The following SDK1 variants were observed in gnomAD, a reference collection of about 807,000 sequenced individuals.
SDK1 encodes sidekick cell adhesion molecule 1.
A neutral mutation model predicts 245.5 loss-of-function variants in SDK1; 157 were observed. The ratio of observed to expected loss-of-function variants is 0.64; its 90% CI spans 0.56 to 0.73. SDK1 has a LOEUF of 0.73. Ranked by LOEUF, SDK1 falls within the 30% of genes least tolerant of loss-of-function variation. The probability of loss-of-function intolerance (pLI) is 0.00; values close to 1 mark genes in which losing one functional copy is unlikely to be tolerated. For missense variants in SDK1, 3,583 were observed against 3,002.3 expected, an observed-to-expected ratio of 1.19 and a Z score of -4.52; for synonymous variants, 1,647 against 1,278.5, an observed-to-expected ratio of 1.29 and a Z score of -6.15.
chr7:3,716,092 G>C, intron 4 of SDK1, among the ~76,000 whole-genome samples: 1 of 144,382 alleles, frequency 6.9e-6, no homozygotes, highest in African/African-American at 2.6e-5. Context: ...TGCTCAGTCT[G>C]ACCAACAATG....
chr7:3,896,390 G>A (rs1781606539), intron 5 of SDK1, among the ~76,000 whole-genome samples: 1 of 152,130 alleles, frequency 6.6e-6, no homozygotes, highest in African/African-American at 2.4e-5. Flanking sequence ...GGATTATGTT[G>A]CCTCCTCCTG....
chr7:4,045,586 C>T (rs993978562), intron 17 of SDK1, among the ~76,000 whole-genome samples: 7 of 152,152 alleles, frequency 4.6e-5, no homozygotes, highest in African/African-American at 1.7e-4. Context: ...GTCTTGTGCA[C>T]AGTTACCCGG....
chr7:3,306,402 G>C (rs1779418528), intron 1 of SDK1, among the ~76,000 whole-genome samples: 2 of 152,084 alleles, frequency 1.3e-5, no homozygotes, highest in Admixed American at 1.3e-4. Context: ...CCCCAGAATG[G>C]ACTACTGGGA....
At position 4,074,670 on chromosome 7, in the gene SDK1, G is replaced by A. The variant is rs1015561844; in HGVS notation, c.3011-2328G>A. ...GATACCAGGAGTTTGAGACCAGCCT[G>A]GGCAACACAGTGAGACCCTCATCTC... is the stretch of plus-strand genomic sequence containing the variant. On this transcript the variant is annotated intron_variant, in intron 20 of 44. Transcript: ENST00000404826. 9.9e-5 allele frequency among the ~76,000 whole-genome samples: 15 copies of A among 151,900 alleles called. 1 individual carries two copies. The highest frequency in any genetic ancestry group is 3.4e-4 in the African/African-American group (14 of 41,398).
Position 3,791,781 on chromosome 7 carries a change from C to G in SDK1, c.714-29669C>G, listed in dbSNP as rs140901655. Among the ~76,000 whole-genome samples the G allele has an allele frequency of 2.5e-3, 378 of 152,224 alleles. 3 individuals are homozygous for G. Among genetic ancestry groups the G allele is most frequent in the African/African-American group, 8.3e-3 (346 of 41,530 alleles). On this transcript the variant is annotated intron_variant, in intron 4 of 44. Coordinates refer to ENST00000404826, the MANE Select transcript of SDK1 (RefSeq NM_152744.4). The stretch of plus-strand genomic sequence containing the variant: ...CTATGGATGCCATTCTTTTCTGGGT[C>G]TTTTGGCCAGTTATGGAACAAAGCT...
At chr7:4,129,284 G>A (rs1446978176) in intron 26 of SDK1, among the ~76,000 whole-genome samples, 3 of 146,892 alleles carry the variant, frequency 2.0e-5, no homozygotes, top group Non-Finnish European at 4.5e-5. Context: ...TGGGTGCCCT[G>A]GAATAGAGCA....
At chr7:3,342,636 A>T (rs983995936) in intron 1 of SDK1, among the ~76,000 whole-genome samples, 2 of 152,194 alleles carry the variant, frequency 1.3e-5, no homozygotes, top group African/African-American at 4.8e-5. Flanking sequence ...GAACTAAGCA[A>T]TAAGTTCTTA....
chr7:3,541,098 G>A (rs190932205), intron 1 of SDK1, among the ~76,000 whole-genome samples: 1 of 152,278 alleles, frequency 6.6e-6, no homozygotes, highest in Admixed American at 6.5e-5. Flanking sequence ...AACTTGATCT[G>A]TGTTTCTTGG....
intron 4 of SDK1, 62 bp from the exon 5 acceptor site, chr7:3,821,388 G>A: frequency 1.3e-6 from 2 of 1,549,798 alleles, no homozygotes; most frequent in Non-Finnish European, 8.7e-7. Context: ...AATTAATTTT[G>A]TCTTACAAGT....
chr7:3,682,736 T>A (rs1291376321), intron 4 of SDK1, among the ~76,000 whole-genome samples: 1 of 123,552 alleles, frequency 8.1e-6, no homozygotes, highest in Non-Finnish European at 1.8e-5. Flanking sequence ...TTTTTTTTTT[T>A]AAACAGAGTT....
chr7:4,045,386 G>A (rs1242394783), intron 17 of SDK1, among the ~76,000 whole-genome samples: 4 of 152,028 alleles, frequency 2.6e-5, no homozygotes, highest in African/African-American at 7.2e-5. Context: ...GGGACTATAG[G>A]TGTGTGCCAT....
chr7:3,370,841 C>T lies in SDK1; in HGVS notation c.298+68957C>T, dbSNP rs572795606. Among the ~76,000 whole-genome samples the T allele has an allele frequency of 7.2e-5, 11 of 152,288 alleles. No homozygotes were observed. In the East Asian group the frequency reaches 1.3e-3, roughly 19 times the overall value. On this transcript the variant is annotated intron_variant, in intron 1 of 44. Transcript: ENST00000404826. ...GTCATGCTGAGTGGTCCAAGTTTGT[C>T]ATTCCCAGTCTGTGGAGCCAGTCAT...
chr7:3,891,551 G>C (rs1233956100), intron 5 of SDK1, among the ~76,000 whole-genome samples: 1 of 152,118 alleles, frequency 6.6e-6, no homozygotes, highest in Non-Finnish European at 1.5e-5. Context: ...TAATCTCTTT[G>C]ATTCCGGTCA....
At chr7:3,309,626 A>G (rs1439174989) in intron 1 of SDK1, among the ~76,000 whole-genome samples, 2 of 145,784 alleles carry the variant, frequency 1.4e-5, no homozygotes, top group African/African-American at 5.1e-5. Flanking sequence ...TCATGCTTTT[A>G]CTTCTGATTT....
chr7:4,139,677 A>G (rs71524026), intron 28 of SDK1, among the ~76,000 whole-genome samples: 73,729 of 108,444 alleles, frequency 0.68, 30,988 homozygotes, highest in East Asian at 0.89. Context: ...GTGTGTGTAT[A>G]TGTGTGTGTG....
At chr7:4,161,358 G>A (rs1781107769) in intron 31 of SDK1, among the ~76,000 whole-genome samples, 1 of 152,158 alleles carries the variant, frequency 6.6e-6, no homozygotes, top group African/African-American at 2.4e-5. Flanking sequence ...TTCAAACCAA[G>A]TGACCTGGCA....
intron 2 of SDK1, among the ~76,000 whole-genome samples, chr7:3,625,933 C>A (rs1013681551): frequency 2.4e-5 from 3 of 124,230 alleles, no homozygotes; most frequent in Non-Finnish European, 5.0e-5. Flanking sequence ...TTCTTTCTTT[C>A]TTTTCTTTCT....
chr7:3,428,215 C>T (rs928508561), intron 1 of SDK1, among the ~76,000 whole-genome samples: 1 of 152,174 alleles, frequency 6.6e-6, no homozygotes, highest in Non-Finnish European at 1.5e-5. Flanking sequence ...CTGTTATTTA[C>T]TCAGTGATTG....
At chr7:3,911,697 C>G (rs977227963) in intron 5 of SDK1, among the ~76,000 whole-genome samples, 1 of 152,230 alleles carries the variant, frequency 6.6e-6, no homozygotes, top group South Asian at 2.1e-4. Context: ...GGCCAGCCAT[C>G]TCTTTACTGT....
Sources: allele counts gnomAD v4.1 joint callset (sites outside exome capture counted in the v4.1 genomes callset), GRCh38; gene constraint gnomAD v4.1.1; transcripts MANE v1.5; gene names NCBI Gene and HGNC (gene_info 2026-07-23, HGNC 2026-07-21).